BABAM2: variants seen among roughly 807,000 people sequenced by gnomAD.
BABAM2 encodes BRISC and BRCA1-A complex member 2.
A neutral mutation model predicts 54.7 loss-of-function variants in BABAM2; 31 were observed. The ratio of observed to expected loss-of-function variants is 0.57; its 90% confidence interval spans 0.43 to 0.77. The LOEUF is 0.77. Among genes scored for constraint, BABAM2 ranks in the 30% least tolerant of loss-of-function variants. The pLI is 0.00. For missense variants in BABAM2, 364 were observed against 455.8 expected (o/e 0.80, Z 1.83); for synonymous variants, 167 against 162.9 (o/e 1.03, Z -0.19).
chr2:28,204,950 T>TA (rs1283643118), intron 7 of BABAM2, among the ~76,000 whole-genome samples: 1 of 151,404 alleles, frequency 6.6e-6, no homozygotes, highest in African/African-American at 2.4e-5. Flanking sequence ...TCACTTTCAG[T>TA]AAAAAAGTTT....
rs1266928571 is a variant in BABAM2 at position 28,308,571 on chromosome 2, T to C, written c.1088+10080T>C. 3 of 463,822 alleles carry C rather than the reference T, an allele frequency of 6.5e-6. No homozygotes were observed. The East Asian group carries it at 1.6e-4, about 25-fold the overall frequency. The allele number at this position is 463,822 out of a possible 1,614,324, so 28.7% of individuals were successfully genotyped here. The stretch of plus-strand genomic sequence containing the variant: ...GCCTGATGGAGAGAAGAAGGCATAT[T>C]GGGATCATCTAAACTGAATCCAGCT... On this transcript the variant is annotated intron_variant, in intron 11 of 11. Coordinates refer to ENST00000379624, the MANE Select transcript of BABAM2 (RefSeq NM_199191.3).
chr2:27,954,700 G>A (rs1449345363), intron 3 of BABAM2, among the ~76,000 whole-genome samples: 2 of 152,132 alleles, frequency 1.3e-5, no homozygotes, highest in African/African-American at 4.8e-5. Flanking sequence ...CAAATATCAC[G>A]TTTCTCAATC....
intron 6 of BABAM2, among the ~76,000 whole-genome samples, chr2:28,093,750 A>G (rs780430402): frequency 1.3e-5 from 2 of 152,186 alleles, no homozygotes; most frequent in African/African-American, 2.4e-5. Flanking sequence ...TCCTTTGTAC[A>G]TCTCAGGCTT....
At chr2:28,271,714 C>G (rs1349693002) in intron 10 of BABAM2, among the ~76,000 whole-genome samples, 1 of 152,200 alleles carries the variant, frequency 6.6e-6, no homozygotes, top group Non-Finnish European at 1.5e-5. Context: ...AAGGGCCAAC[C>G]AGGCAGGTTA....
chr2:28,119,362 C>A (rs554463735), intron 6 of BABAM2, among the ~76,000 whole-genome samples: 1 of 152,276 alleles, frequency 6.6e-6, no homozygotes, highest in African/African-American at 2.4e-5. Flanking sequence ...CCAGTGAGGA[C>A]CCTGGCTATA....
At chr2:28,194,638 G>A (rs1677314400) in intron 7 of BABAM2, among the ~76,000 whole-genome samples, 1 of 128,418 alleles carries the variant, frequency 7.8e-6, no homozygotes, top group South Asian at 2.5e-4. Flanking sequence ...CTGGAGTACG[G>A]TGGCACGATC....
intron 10 of BABAM2, among the ~76,000 whole-genome samples, chr2:28,285,669 C>T (rs988384335): frequency 6.6e-6 from 1 of 152,016 alleles, no homozygotes. Context: ...GGATTTTTCA[C>T]ATAGTAAGTC....
intron 5 of BABAM2, among the ~76,000 whole-genome samples, chr2:28,026,946 AT>A (rs199768279): frequency 1.3e-3 from 6 of 4,578 alleles, no homozygotes; most frequent in East Asian, 0.17. Flanking sequence ...ATAAATATAT[AT>A]TAATATATAT....
chr2:28,117,991 T>C (rs1188753545), intron 6 of BABAM2, among the ~76,000 whole-genome samples: 1 of 152,264 alleles, frequency 6.6e-6, no homozygotes, highest in African/African-American at 2.4e-5. Context: ...ATGGTATTCA[T>C]GTCTGTTTCA....
At chr2:28,190,629 G>A (rs1676797401) in intron 7 of BABAM2, among the ~76,000 whole-genome samples, 1 of 152,184 alleles carries the variant, frequency 6.6e-6, no homozygotes. Flanking sequence ...AGAGTTTATG[G>A]AGAGCCGAGA....
chr2:28,068,919 T>C (rs1008941286), intron 6 of BABAM2, among the ~76,000 whole-genome samples: 8 of 152,170 alleles, frequency 5.3e-5, no homozygotes, highest in Non-Finnish European at 7.4e-5. Flanking sequence ...TCAAAGGGTG[T>C]TTTAATGGAA....
chr2:27,978,923 A>G (rs1192729805), intron 3 of BABAM2, among the ~76,000 whole-genome samples: 1 of 152,196 alleles, frequency 6.6e-6, no homozygotes, highest in Non-Finnish European at 1.5e-5. Flanking sequence ...TTAGTTTGGT[A>G]GGATAATAGC....
At chr2:27,913,658 G>T (rs986292378) in intron 2 of BABAM2, among the ~76,000 whole-genome samples, 1 of 151,780 alleles carries the variant, frequency 6.6e-6, no homozygotes, top group Non-Finnish European at 1.5e-5. Context: ...TATTTTATAC[G>T]TATAAAATGC....
chr2:28,075,629 G>A (rs187953842), intron 6 of BABAM2, among the ~76,000 whole-genome samples: 237 of 151,546 alleles, frequency 1.6e-3, no homozygotes, highest in African/African-American at 5.5e-3. Context: ...ACCTGCTTTT[G>A]CTGATTGTAT....
intron 4 of BABAM2, among the ~76,000 whole-genome samples, chr2:27,997,253 T>C (rs1673221700): frequency 6.7e-6 from 1 of 149,386 alleles, no homozygotes; most frequent in African/African-American, 2.5e-5. Flanking sequence ...ATGGCATCTC[T>C]GGTTCTCTTG....
intron 6 of BABAM2, among the ~76,000 whole-genome samples, chr2:28,101,449 T>G (rs1667073172): frequency 1.3e-5 from 2 of 152,202 alleles, no homozygotes; most frequent in Non-Finnish European, 2.9e-5. Flanking sequence ...CCCAAATTCT[T>G]GTCACTGAGA....
At chr2:28,241,826 T>G (rs2148070236) in intron 9 of BABAM2, among the ~76,000 whole-genome samples, 1 of 150,472 alleles carries the variant, frequency 6.6e-6, no homozygotes, top group African/African-American at 2.4e-5. Context: ...ACTTTGATCC[T>G]TTTTGGTATG....
chr2:28,026,959 A>AATATACATATAAAT (rs1675880979), intron 5 of BABAM2, among the ~76,000 whole-genome samples: 3 of 9,296 alleles, frequency 3.2e-4, no homozygotes, highest in Admixed American at 2.1e-3. Context: ...AATATATATA[A>AATATACATATAAAT]ATATATATAT....
intron 5 of BABAM2, among the ~76,000 whole-genome samples, chr2:28,029,014 G>GC (rs1676104811): frequency 6.6e-6 from 1 of 152,072 alleles, no homozygotes; most frequent in South Asian, 2.1e-4. Context: ...TGATCTACCC[G>GC]CCTTGGCCTC....
Sources: allele counts gnomAD v4.1 joint callset (sites outside exome capture counted in the v4.1 genomes callset), GRCh38; gene constraint gnomAD v4.1.1; transcripts MANE v1.5; gene names NCBI Gene and HGNC (gene_info 2026-07-23, HGNC 2026-07-21).